CLEC9A: variants seen among roughly 807,000 people sequenced by gnomAD.
CLEC9A encodes the protein C-type lectin domain family 9 member A.
CLEC9A carries 24 observed loss-of-function variants against 30.0 expected under a neutral mutation model. The observed-to-expected ratio is 0.80, with a 90% CI of 0.58 to 1.13. The LOEUF is 1.13. Ranked by LOEUF, CLEC9A falls within the 50% of genes most tolerant of loss-of-function variation. The pLI is 0.00. For missense variants in CLEC9A, 251 were observed against 280.9 expected (o/e 0.89, Z 0.76); for synonymous variants, 111 against 96.8 (o/e 1.15, Z -0.86).
At chr12:10,041,753 C>G in intron 2 of CLEC9A, 133 bp downstream of exon 2, 1 of 442,808 alleles carries the variant, frequency 2.3e-6, no homozygotes, top group East Asian at 7.0e-5. Flanking sequence ...TTTATGAAAC[C>G]TAGTAAGAAT....
At chr12:10,032,952 A>T (rs1865712997) in intron 1 of CLEC9A, among the ~76,000 whole-genome samples, 1 of 152,036 alleles carries the variant, frequency 6.6e-6, no homozygotes, top group Non-Finnish European at 1.5e-5. Flanking sequence ...GTTTCATCCT[A>T]CTTTTCCTTT....
At chr12:10,034,893 T>G (rs956740658) in intron 1 of CLEC9A, among the ~76,000 whole-genome samples, 2 of 152,212 alleles carry the variant, frequency 1.3e-5, no homozygotes, top group Non-Finnish European at 1.5e-5. Flanking sequence ...CCCTACCTTA[T>G]AGCAAGGACA....
At chr12:10,059,254 A>T (rs1591894047) in intron 5 of CLEC9A, among the ~76,000 whole-genome samples, 1 of 152,244 alleles carries the variant, frequency 6.6e-6, no homozygotes, top group African/African-American at 2.4e-5. Context: ...AAACAGACTC[A>T]TACAAATATA....
intron 5 of CLEC9A, among the ~76,000 whole-genome samples, chr12:10,058,376 G>A (rs1337115519): frequency 6.6e-6 from 1 of 152,094 alleles, no homozygotes; most frequent in Non-Finnish European, 1.5e-5. Flanking sequence ...GCTAGAAAGA[G>A]AGAAAAAGAT....
At chr12:10,040,058 A>T (rs1297864518) in intron 1 of CLEC9A, among the ~76,000 whole-genome samples, 1 of 152,324 alleles carries the variant, frequency 6.6e-6, no homozygotes, top group East Asian at 1.9e-4. Flanking sequence ...CCTGGCCTCA[A>T]GTGATGTGCC....
At chr12:10,037,018 A>G (rs1340640959) in intron 1 of CLEC9A, among the ~76,000 whole-genome samples, 4 of 152,258 alleles carry the variant, frequency 2.6e-5, no homozygotes, top group Non-Finnish European at 5.9e-5. Context: ...ATTTCTGGTC[A>G]CAAAAACATC....
In CLEC9A at chr12:10,065,554, C is replaced by CAA; in HGVS notation, c.649_650dup (p.Asn217LysfsTer22). On this transcript the variant is annotated frameshift_variant, in exon 9 of 9. Coordinates refer to ENST00000355819, the MANE Select transcript of CLEC9A (RefSeq NM_207345.4). LOFTEE classifies it low-confidence loss of function (END_TRUNC). ...ACCAAGTCTGTGGATACGTGAAAAG[C>CAA]AATTCCCTTCTTTCGTCTAACTGCA... 1 of 1,613,986 alleles carries CAA rather than the reference C, an allele frequency of 6.2e-7. No homozygotes were observed. Among genetic ancestry groups the CAA allele is most frequent in the Non-Finnish European group, 8.5e-7 (1 of 1,179,886 alleles).
intron 3 of CLEC9A, chr12:10,052,391 C>A: frequency 1.7e-6 from 1 of 579,578 alleles, no homozygotes; most frequent in Non-Finnish European, 2.4e-6. Flanking sequence ...CTGCTATCAC[C>A]TTCAACATCT....
At chr12:10,050,785 G>T (rs1207262440) in intron 2 of CLEC9A, among the ~76,000 whole-genome samples, 2 of 152,126 alleles carry the variant, frequency 1.3e-5, no homozygotes, top group Non-Finnish European at 2.9e-5. Flanking sequence ...TGTACATTTG[G>T]TATGCTTATG....
At chr12:10,063,022 T>C in intron 6 of CLEC9A, 33 bp from the exon 7 acceptor site, 1 of 1,555,804 alleles carries the variant, frequency 6.4e-7, no homozygotes, top group South Asian at 1.2e-5. Context: ...TATTTTACAA[T>C]AAGATACTAA....
At chr12:10,062,919 G>T (rs1866009495) in intron 6 of CLEC9A, 136 bp from the exon 7 acceptor site, 1 of 533,270 alleles carries the variant, frequency 1.9e-6, no homozygotes, top group East Asian at 3.4e-5. Context: ...AGCTGAAATT[G>T]GTAAGTGCTA....
At chr12:10,054,372 T>C in intron 5 of CLEC9A, 21 bp downstream of exon 5, 1 of 1,484,634 alleles carries the variant, frequency 6.7e-7, no homozygotes, top group Non-Finnish European at 9.4e-7. Flanking sequence ...AAAGATATTT[T>C]CAAAATATGT....
chr12:10,060,839 A>G (rs1865990308), intron 5 of CLEC9A: 1 of 275,394 alleles, frequency 3.6e-6, no homozygotes, highest in African/African-American at 2.3e-5. Context: ...GTTTTATCTT[A>G]TGTGTAATAT....
intron 8 of CLEC9A, among the ~76,000 whole-genome samples, chr12:10,065,096 A>C (rs1866031742): frequency 6.6e-6 from 1 of 152,174 alleles, no homozygotes; most frequent in Admixed American, 6.5e-5. Flanking sequence ...TGTCTGATGA[A>C]TAATATAATT....
intron 1 of CLEC9A, among the ~76,000 whole-genome samples, chr12:10,033,731 A>T (rs970318247): frequency 1.4e-4 from 22 of 152,222 alleles, no homozygotes; most frequent in African/African-American, 5.1e-4. Flanking sequence ...AGTTAACATG[A>T]TAGGAGGATT....
At chr12:10,052,857 A>G (rs1415128540) in intron 4 of CLEC9A, 79 bp downstream of exon 4, 25 of 1,479,718 alleles carry the variant, frequency 1.7e-5, no homozygotes, top group African/African-American at 1.1e-4. Flanking sequence ...TGAGGCCAAG[A>G]TGTTTATTCT....
chr12:10,043,734 T>C, intron 2 of CLEC9A, among the ~76,000 whole-genome samples: 1 of 151,404 alleles, frequency 6.6e-6, no homozygotes, highest in Non-Finnish European at 1.5e-5. Flanking sequence ...CAGGCTGGAG[T>C]GCAGTGGTGC....
At chr12:10,063,230 T>C (rs201434043) in intron 7 of CLEC9A, 24 bp downstream of exon 7, 94 of 1,531,288 alleles carry the variant, frequency 6.1e-5, no homozygotes, top group Non-Finnish European at 7.0e-5. Flanking sequence ...TGTGGTCTCA[T>C]GTTATTCTGA....
intron 1 of CLEC9A, among the ~76,000 whole-genome samples, chr12:10,033,161 G>A (rs997432707): frequency 1.3e-5 from 2 of 151,532 alleles, no homozygotes; most frequent in Admixed American, 6.6e-5. Context: ...CTAGGACACC[G>A]TTCTCTTCAA....
Sources: allele counts gnomAD v4.1 joint callset (sites outside exome capture counted in the v4.1 genomes callset), GRCh38; gene constraint gnomAD v4.1.1; transcripts MANE v1.5; gene names NCBI Gene and HGNC (gene_info 2026-07-23, HGNC 2026-07-21).